The following PCDHGB1 variants were observed in gnomAD, a reference collection of about 807,000 sequenced individuals.
The protein encoded by PCDHGB1 is protocadherin gamma subfamily B, 1, also known as protocadherin gamma-B1.
Under a neutral mutation model 56.6 loss-of-function variants are expected in PCDHGB1, and 34 were observed. The ratio of observed to expected loss-of-function variants is 0.60; its 90% CI spans 0.46 to 0.80. The LOEUF (loss-of-function observed/expected upper bound fraction) is 0.80. Ranked by LOEUF, PCDHGB1 falls within the 30% of genes least tolerant of loss-of-function variation. PCDHGB1 has a pLI of 0.00. For missense variants in PCDHGB1, 1,278 were observed against 1,204.6 expected (o/e 1.06, Z -0.90); for synonymous variants, 561 against 505.9 (o/e 1.11, Z -1.46).
intron 1 of PCDHGB1, chr5:141,391,563 A>T (rs545672465): frequency 5.3e-5 from 8 of 152,322 alleles, no homozygotes; most frequent in Admixed American, 2.0e-4. Context: ...TTCCATATGC[A>T]TAAGAAAATA....
chr5:141,410,909 A>G lies in PCDHGB1; in HGVS notation c.2409+58240A>G, dbSNP rs183334545. Reference sequence around the variant, plus strand: ...CGCACTGTTGCCTAGGCTGGAGTGCAGTGGCGTGATCTCTGCTCACTGCAA... The same window carrying G: ...CGCACTGTTGCCTAGGCTGGAGTGCGGTGGCGTGATCTCTGCTCACTGCAA... On this transcript the variant is annotated intron_variant, in intron 1 of 3. Coordinates refer to ENST00000523390, the MANE Select transcript of PCDHGB1 (RefSeq NM_018922.3). 188 of 259,978 alleles carry G rather than the reference A, an allele frequency of 7.2e-4. 1 individual carries two copies. Among genetic ancestry groups the G allele is most frequent in the African/African-American group, 5.3e-3 (172 of 32,394 alleles). The allele number at this position is 259,978 out of a possible 1,614,324, so 16.1% of individuals were successfully genotyped here.
At chr5:141,421,119 C>A (rs542039688) in intron 1 of PCDHGB1, 2 of 772,768 alleles carry the variant, frequency 2.6e-6, no homozygotes, top group South Asian at 1.9e-5. Flanking sequence ...TATTTTCCTT[C>A]GCTTTCTGAT....
At chr5:141,451,957 A>C (rs1019378263) in intron 1 of PCDHGB1, among the ~76,000 whole-genome samples, 3 of 152,202 alleles carry the variant, frequency 2.0e-5, no homozygotes, top group African/African-American at 7.2e-5. Context: ...AGAAAGTGAC[A>C]TACCATCATT....
chr5:141,398,189 T>A (rs926901002), intron 1 of PCDHGB1: 41 of 1,482,238 alleles, frequency 2.8e-5, no homozygotes, highest in Non-Finnish European at 3.5e-5. Context: ...TTTCTCTTCC[T>A]GCTGTCTTTG....
chr5:141,455,798 T>TA (rs2098831882), intron 1 of PCDHGB1, among the ~76,000 whole-genome samples: 1 of 152,036 alleles, frequency 6.6e-6, no homozygotes, highest in African/African-American at 2.4e-5. Flanking sequence ...GGAGATGCTT[T>TA]AAAAAATGAA....
chr5:141,413,803 G>A (rs1331029473), intron 1 of PCDHGB1: 3 of 1,613,142 alleles, frequency 1.9e-6, no homozygotes, highest in Non-Finnish European at 1.7e-6. Flanking sequence ...CGAGGAAGAG[G>A]CCATTCACCA....
At chr5:141,388,953 G>A (rs1266765544) in intron 1 of PCDHGB1, 13 of 1,614,022 alleles carry the variant, frequency 8.1e-6, no homozygotes, top group Non-Finnish European at 1.1e-5. Context: ...AATTATGGAG[G>A]ACGCCGAGCT....
rs1011731430 is a variant in PCDHGB1, at chr5:141,489,676, G to A, written c.2410-5131G>A. 6.2e-7 allele frequency: 1 copy of A among 1,614,158 alleles called. No individual in the cohort carries two copies. The highest frequency in any genetic ancestry group is 8.5e-7 in the Non-Finnish European group (1 of 1,180,008). On this transcript the variant is annotated intron_variant, in intron 1 of 3. Coordinates refer to ENST00000523390, the MANE Select transcript of PCDHGB1 (RefSeq NM_018922.3). This position sits in a 1 kb window ranked among gnomAD's most constrained non-coding sequence, Gnocchi z 4.5. ...GCGAGAGATGCGCATCTCAGAATCAGCAGCATCTGGGGCACGATTCCCACT... is the reference window on the plus strand; with the variant it reads ...GCGAGAGATGCGCATCTCAGAATCAACAGCATCTGGGGCACGATTCCCACT...
chr5:141,428,043 A>G, intron 1 of PCDHGB1: 1 of 1,608,722 alleles, frequency 6.2e-7, no homozygotes, highest in Non-Finnish European at 8.5e-7. Flanking sequence ...CTACCTGGTG[A>G]CCAAGGTGGT....
intron 1 of PCDHGB1, chr5:141,419,582 T>A (rs1474193256): frequency 6.2e-7 from 1 of 1,611,894 alleles, no homozygotes. Context: ...CTCCGCGCTC[T>A]TCGACACAGT....
At chr5:141,399,504 A>G (rs754910149) in intron 1 of PCDHGB1, 3 of 1,614,000 alleles carry the variant, frequency 1.9e-6, no homozygotes, top group Non-Finnish European at 2.5e-6. Context: ...GTGTACCCGA[A>G]AACAACCCTC....
At chr5:141,460,780 A>G (rs1387522399) in intron 1 of PCDHGB1, among the ~76,000 whole-genome samples, 3 of 152,042 alleles carry the variant, frequency 2.0e-5, no homozygotes, top group Non-Finnish European at 4.4e-5. Context: ...GTATGTATAC[A>G]TATATACACA....
Position 141,487,413 on chromosome 5 carries a change from A to G in PCDHGB1, c.2410-7394A>G, listed in dbSNP as rs1562119204. The G allele has an allele frequency of 1.2e-6, 2 of 1,614,172 alleles. No homozygotes were observed. The highest frequency in any genetic ancestry group is 2.2e-5 in the East Asian group (1 of 44,862). ...AGGAGGGAGGGGCTTCCCCCTTCCA[A>G]TGGGATCCTCCGAATCCAGCTAGGG... On this transcript the variant is annotated intron_variant, in intron 1 of 3. Coordinates refer to ENST00000523390, the MANE Select transcript of PCDHGB1 (RefSeq NM_018922.3). This position sits in a 1 kb window ranked among gnomAD's most constrained non-coding sequence, Gnocchi z 5.0.
chr5:141,428,200 G>A (rs1000165985), intron 1 of PCDHGB1: 3 of 1,363,858 alleles, frequency 2.2e-6, no homozygotes, highest in East Asian at 2.3e-5. Flanking sequence ...TCTCTGCGCC[G>A]CTACGCTTCA....
intron 1 of PCDHGB1, chr5:141,371,990 G>A (rs1768271150): frequency 6.2e-7 from 1 of 1,613,140 alleles, no homozygotes; most frequent in Admixed American, 1.7e-5. Flanking sequence ...AGCTCACTCT[G>A]CAGGCCCGCG....
chr5:141,500,043 T>A (rs1240979831), intron 2 of PCDHGB1, among the ~76,000 whole-genome samples: 1 of 152,048 alleles, frequency 6.6e-6, no homozygotes, highest in East Asian at 1.9e-4. Flanking sequence ...CTCTTAAGTA[T>A]CTTAATGCTC....
At chr5:141,362,197 C>G in intron 1 of PCDHGB1, 1 of 1,614,082 alleles carries the variant, frequency 6.2e-7, no homozygotes, top group Admixed American at 1.7e-5. Context: ...CCAGGCAAAA[C>G]TGCAGTTTTA....
At chr5:141,355,098 C>T (rs1561507721) in intron 1 of PCDHGB1, 46 of 1,495,826 alleles carry the variant, frequency 3.1e-5, no homozygotes, top group Non-Finnish European at 4.1e-5. Flanking sequence ...CCTGAGAGCT[C>T]TGGCTGTGAA....
At chr5:141,371,687 G>T in intron 1 of PCDHGB1, 1 of 1,614,014 alleles carries the variant, frequency 6.2e-7, no homozygotes, top group Non-Finnish European at 8.5e-7. Flanking sequence ...GCAATCCACC[G>T]CTCTCCTCCA....
Sources: gnomAD v4.1 joint callset for allele counts (sites outside exome capture counted in the v4.1 genomes callset) on GRCh38, gnomAD v4.1.1 for gene constraint, Gnocchi (gnomAD v3.1) non-coding constraint, MANE v1.5 for transcripts, NCBI Gene and HGNC (gene_info 2026-07-23, HGNC 2026-07-21) for gene names.